The following ENGASE variants were observed in gnomAD, a reference collection of about 807,000 sequenced individuals.
ENGASE encodes endo-beta-N-acetylglucosaminidase, also known as cytosolic endo-beta-N-acetylglucosaminidase.
Under a neutral mutation model 78.5 loss-of-function variants are expected in ENGASE, and 69 were observed. That is an observed-to-expected ratio of 0.88 (90% CI 0.72 to 1.07). The LOEUF (loss-of-function observed/expected upper bound fraction) is 1.07. Among genes scored for constraint, ENGASE ranks in the 50% least tolerant of loss-of-function variants. ENGASE has a pLI of 0.00. For synonymous variants in ENGASE, 408 were observed against 408.9 expected (o/e 1.00, Z 0.03); for missense variants, 943 against 988.4 (o/e 0.95, Z 0.62).
chr17:79,076,447 C>G (rs1304664037), intron 1 of ENGASE, among the ~76,000 whole-genome samples: 1 of 152,058 alleles, frequency 6.6e-6, no homozygotes, highest in Non-Finnish European at 1.5e-5. Context: ...GCCTGTAATC[C>G]CAGCTACTTG....
chr17:79,078,192 T>C (rs574862351), intron 3 of ENGASE, among the ~76,000 whole-genome samples: 1 of 152,086 alleles, frequency 6.6e-6, no homozygotes, highest in Non-Finnish European at 1.5e-5. Context: ...ATAGAAAAAT[T>C]AGCCAGGCAT....
In ENGASE at chr17:79,083,065, G is replaced by GC; in HGVS notation, c.1089dup (p.Gly364ArgfsTer5). 1 of 1,614,066 alleles carries GC rather than the reference G, an allele frequency of 6.2e-7. No homozygotes were observed. Among genetic ancestry groups the GC allele is most frequent in the South Asian group, 1.1e-5 (1 of 91,072 alleles). On this transcript the variant is annotated frameshift_variant, in exon 8 of 14. Coordinates refer to ENST00000579016, the MANE Select transcript of ENGASE (RefSeq NM_001042573.3). LOFTEE classifies it high-confidence loss of function. This position sits in a 1 kb window ranked among gnomAD's most constrained non-coding sequence, Gnocchi z 4.9. The stretch of plus-strand genomic sequence containing the variant: ...GCATGGCTTCTCCGTGGCTTTGTTT[G>GC]CCCCCGGCTGGGTGTATGAGTGTCT...
chr17:79,085,240 CAAGCT>C lies in ENGASE; in HGVS notation c.1599_1603del (p.Ser534LysfsTer56), dbSNP rs773940120. The stretch of plus-strand genomic sequence containing the variant: ...TCCGTGTCTCCTTCTGCAGCAGAAA[CAAGCT>C]CAAGACACAGCCTCCGACCCCTCCG... On this transcript the variant is annotated frameshift_variant, in exon 12 of 14. Coordinates refer to ENST00000579016, the MANE Select transcript of ENGASE (RefSeq NM_001042573.3). LOFTEE classifies it high-confidence loss of function. 6.2e-7 allele frequency: 1 copy of C among 1,613,004 alleles called. No individual in the cohort carries two copies. The highest frequency in any genetic ancestry group is 2.2e-5 in the East Asian group (1 of 44,874).
chr17:79,077,511 G>A lies in ENGASE; in HGVS notation c.214+14G>A, dbSNP rs200712932. On this transcript the variant is annotated intron_variant, in intron 2 of 13. Transcript: ENST00000579016. ...ACCCCCTGCCAGGTGAGGAGACAGAGGCTCTGAATACCGATCCACCTTCAC... is the reference window on the plus strand; with the variant it reads ...ACCCCCTGCCAGGTGAGGAGACAGAAGCTCTGAATACCGATCCACCTTCAC... The A allele has an allele frequency of 6.5e-7, 1 of 1,550,326 alleles. No individual in the cohort carries two copies. Among genetic ancestry groups the A allele is most frequent in the Non-Finnish European group, 8.7e-7 (1 of 1,152,516 alleles).
In ENGASE at chr17:79,086,500, G is replaced by A. The variant is rs1006513224; in HGVS notation, c.*151G>A. The stretch of plus-strand genomic sequence containing the variant: ...GGTGGGAGACCCCGGGCTGAGTGCT[G>A]TGGCTTTCTGGTGGGGGGCGATGGA... On this transcript the variant is annotated 3_prime_UTR_variant, in exon 14 of 14. Transcript: ENST00000579016. 244 of 928,132 alleles carry A rather than the reference G, an allele frequency of 2.6e-4. No individual in the cohort carries two copies. The highest frequency in any genetic ancestry group is 3.3e-4 in the Non-Finnish European group (211 of 638,200). The allele number at this position is 928,132 out of a possible 1,614,324, so 57.5% of individuals were successfully genotyped here.
In ENGASE at chr17:79,082,755, C is replaced by G. The variant is rs983506979; in HGVS notation, c.1039-265C>G. 3 of 1,448,484 alleles carry G rather than the reference C, an allele frequency of 2.1e-6. No homozygotes were observed. In the Admixed American group the frequency reaches 6.2e-5, roughly 30 times the overall value. The allele number at this position is 1,448,484 out of a possible 1,614,324, so 89.7% of individuals were successfully genotyped here. A position where few individuals can be genotyped will look rare whatever the true frequency, so the allele number is the denominator to read the frequency against. On this transcript the variant is annotated intron_variant, in intron 7 of 13. Transcript: ENST00000579016. The stretch of plus-strand genomic sequence containing the variant: ...TGTGCCAGAGGACAATGGGACCGCG[C>G]AGCCACAGCCAGTTGGGGCCCAGCC...
chr17:79,085,183 G>T, intron 11 of ENGASE, 51 bp from the exon 12 acceptor site: 1 of 1,465,630 alleles, frequency 6.8e-7, no homozygotes. Context: ...CCTTCTCAGT[G>T]CCTTTTCCTT....
intron 1 of ENGASE, chr17:79,075,844 G>A: frequency 1.0e-6 from 1 of 985,440 alleles, no homozygotes; most frequent in Admixed American, 6.1e-5. Context: ...CAGGAGGAAT[G>A]TGGAGATGGC....
At position 79,085,961 on chromosome 17, in the gene ENGASE, C is replaced by G. The variant is rs1462665810; in HGVS notation, c.1844C>G (p.Pro615Arg). The G allele has an allele frequency of 6.2e-6, 10 of 1,603,842 alleles. No individual in the cohort carries two copies. Among genetic ancestry groups the G allele is most frequent in the Non-Finnish European group, 8.5e-6 (10 of 1,178,586 alleles). ...GTGGACGCTGCCAGCCTGCTGGCCC[C>G]TCTGCCCCAGGTGCAGGCCGTCACC... ...QVVDAASLLA[P>R]LPQVQAVTIS... The change falls in exon 14 of 14, where the codon CCT becomes CGT. Residue 615 changes from proline (P) to arginine (R), a missense_variant. By Grantham distance (103) the Pro-to-Arg change is moderately radical. Coordinates refer to ENST00000579016, the MANE Select transcript of ENGASE (RefSeq NM_001042573.3).
intron 1 of ENGASE, among the ~76,000 whole-genome samples, chr17:79,076,801 G>A (rs1179859893): frequency 6.6e-6 from 1 of 152,138 alleles, no homozygotes; most frequent in African/African-American, 2.4e-5. Flanking sequence ...AGAAAATCCT[G>A]GGGACCCTGT....
rs2073196968 is a variant in ENGASE, at chr17:79,083,256, A to G, written c.1142+133A>G. On this transcript the variant is annotated intron_variant, in intron 8 of 13. Transcript: ENST00000579016. The surrounding 1 kb of genome is among the most constrained non-coding windows in gnomAD (Gnocchi z 4.9). ...GGTGGTTAAGGGAGGATGACAGGGG[A>G]GGAAGCCAGCACCCTGGCTGCTTCC... is the stretch of plus-strand genomic sequence containing the variant. 5 of 783,556 alleles carry G rather than the reference A, an allele frequency of 6.4e-6. No individual in the cohort carries two copies. In the African/African-American group the frequency reaches 7.0e-5, roughly 11 times the overall value. The allele number at this position is 783,556 out of a possible 1,614,324, so 48.5% of individuals were successfully genotyped here.
chr17:79,084,246 C>CCCCCCCCCCCCAAA, intron 10 of ENGASE: 1 of 502,358 alleles, frequency 2.0e-6, no homozygotes, highest in Non-Finnish European at 3.5e-6. Flanking sequence ...CCCATCCTCC[C>CCCCCCCCCCCCAAA]CCAGCCCCCC....
In ENGASE at chr17:79,086,983, T is replaced by A. The variant is rs145790523; in HGVS notation, c.*634T>A. On this transcript the variant is annotated 3_prime_UTR_variant, in exon 14 of 14. Transcript: ENST00000579016. ...GGGCCAGCCCCAGCTGCTCCGTGTT[T>A]CCTGGCGTTGGCAATTTACTGTGCT... The A allele has an allele frequency of 4.0e-6, 2 of 505,614 alleles. No individual in the cohort carries two copies. Among genetic ancestry groups the A allele is most frequent in the East Asian group, 5.6e-5 (1 of 17,742 alleles). 31.3% of individuals were successfully genotyped at this position (505,614 alleles called of 1,614,324 possible). A position where few individuals can be genotyped will look rare whatever the true frequency, so the allele number is the denominator to read the frequency against.
rs1182088821 is a variant in ENGASE at position 79,074,907 on chromosome 17, G to T, written c.-38G>T. Reference sequence around the variant, plus strand: ...CCGAGCGCGGCGCGGGGGCGGGCCCGGGCCTGCGATTGCCTCTCGGCGTGC... The same window carrying T: ...CCGAGCGCGGCGCGGGGGCGGGCCCTGGCCTGCGATTGCCTCTCGGCGTGC... On this transcript the variant is annotated 5_prime_UTR_variant, in exon 1 of 14. Coordinates refer to ENST00000579016, the MANE Select transcript of ENGASE (RefSeq NM_001042573.3). The T allele has an allele frequency of 2.4e-6, 3 of 1,252,564 alleles. No homozygotes were observed. Among genetic ancestry groups the T allele is most frequent in the East Asian group, 6.1e-5 (2 of 32,934 alleles). The allele number at this position is 1,252,564 out of a possible 1,614,324, so 77.6% of individuals were successfully genotyped here. A position where few individuals can be genotyped will look rare whatever the true frequency, so the allele number is the denominator to read the frequency against.
rs200445672 is a variant in ENGASE at position 79,080,958 on chromosome 17, C to A, written c.757C>A (p.Arg253=). Residue 253 remains arginine, a synonymous_variant, in exon 6 of 14, where the codon CGG becomes AGG. Coordinates refer to ENST00000579016, the MANE Select transcript of ENGASE (RefSeq NM_001042573.3). ...AAVGNMPPFL[R]YLTTQLHRQV... Reference sequence around the variant, plus strand: ...TGTGGGGAACATGCCTCCTTTCCTGCGGTACCTCACCACACAGCTGCACCG... The same window carrying A: ...TGTGGGGAACATGCCTCCTTTCCTGAGGTACCTCACCACACAGCTGCACCG... The A allele has an allele frequency of 4.6e-5, 74 of 1,613,152 alleles. No homozygotes were observed. The African/African-American group carries it at 8.9e-4, about 19-fold the overall frequency.
rs2072927865 is a variant in ENGASE, at chr17:79,074,903, G to A, written c.-42G>A. 1 of 1,250,382 alleles carries A rather than the reference G, an allele frequency of 8.0e-7. No individual in the cohort carries two copies. The highest frequency in any genetic ancestry group is 1.0e-6 in the Non-Finnish European group (1 of 996,490). The allele number at this position is 1,250,382 out of a possible 1,614,324, so 77.5% of individuals were successfully genotyped here. A position where few individuals can be genotyped will look rare whatever the true frequency, so the allele number is the denominator to read the frequency against. Reference sequence around the variant, plus strand: ...TTGGCCGAGCGCGGCGCGGGGGCGGGCCCGGGCCTGCGATTGCCTCTCGGC... The same window carrying A: ...TTGGCCGAGCGCGGCGCGGGGGCGGACCCGGGCCTGCGATTGCCTCTCGGC... On this transcript the variant is annotated 5_prime_UTR_variant, in exon 1 of 14. Coordinates refer to ENST00000579016, the MANE Select transcript of ENGASE (RefSeq NM_001042573.3).
chr17:79,076,669 A>G (rs1316308740), intron 1 of ENGASE, among the ~76,000 whole-genome samples: 1 of 152,258 alleles, frequency 6.6e-6, no homozygotes, highest in Non-Finnish European at 1.5e-5. Context: ...TGTAACATAC[A>G]TCCATGAACA....
chr17:79,086,218 C>G lies in ENGASE; in HGVS notation c.2101C>G (p.Leu701Val), dbSNP rs1417894026. 6.2e-7 allele frequency: 1 copy of G among 1,613,508 alleles called. No individual in the cohort carries two copies. The highest frequency in any genetic ancestry group is 1.7e-5 in the Admixed American group (1 of 60,026). ...CACCCAGTACCGGATAGTGGACCTG[C>G]TGGTGGAAGCCGCCGGGCCCGGCCA... ...FATQYRIVDL[L>V]VEAAGPGQDR... Residue 701 changes from leucine (L) to valine (V), a missense_variant, in exon 14 of 14, where the codon CTG becomes GTG. Transcript: ENST00000579016.
At chr17:79,077,595 GT>G (rs1486544056) in intron 2 of ENGASE, 67 bp from the exon 3 acceptor site, 1 of 1,593,024 alleles carries the variant, frequency 6.3e-7, no homozygotes, top group Non-Finnish European at 8.6e-7. Flanking sequence ...CTCTGTTATT[GT>G]TAAAATGTTT....
Sources: gnomAD v4.1 joint callset for allele counts (sites outside exome capture counted in the v4.1 genomes callset) on GRCh38, gnomAD v4.1.1 for gene constraint, Gnocchi (gnomAD v3.1) non-coding constraint, MANE v1.5 for transcripts, NCBI Gene and HGNC (gene_info 2026-07-23, HGNC 2026-07-21) for gene names.